RAB10: variants seen among roughly 807,000 people sequenced by gnomAD.
The protein encoded by RAB10 is RAB10, member RAS oncogene family.
A neutral mutation model predicts 25.7 loss-of-function variants in RAB10; 5 were observed. That is an observed-to-expected ratio of 0.19 (90% CI 0.10 to 0.41). The LOEUF (loss-of-function observed/expected upper bound fraction) is 0.41. RAB10 is among the 10% of genes least tolerant of loss of function. The probability of loss-of-function intolerance (pLI) is 1.00; values close to 1 mark genes in which losing one functional copy is unlikely to be tolerated. For synonymous variants in RAB10, 89 were observed against 86.4 expected (o/e 1.03, Z -0.16); for missense variants, 103 against 245.8 (o/e 0.42, Z 3.89).
At chr2:26,122,390 A>G (rs1667822594) in intron 3 of RAB10, among the ~76,000 whole-genome samples, 1 of 152,190 alleles carries the variant, frequency 6.6e-6, no homozygotes, top group Non-Finnish European at 1.5e-5. Context: ...GCACTTTGGG[A>G]GGCCAAGGCG....
intron 1 of RAB10, among the ~76,000 whole-genome samples, chr2:26,046,864 A>T (rs549648938): frequency 6.6e-6 from 1 of 152,348 alleles, no homozygotes; most frequent in South Asian, 2.1e-4. Context: ...TTTCTTTCGT[A>T]TAATTAGCAA....
At chr2:26,075,874 G>C (rs542161734) in intron 1 of RAB10, among the ~76,000 whole-genome samples, 1 of 152,018 alleles carries the variant, frequency 6.6e-6, no homozygotes, top group Admixed American at 6.6e-5. Flanking sequence ...CAAGCAGGGG[G>C]TTAGGAGATA....
chr2:26,129,268 C>CAAAAAAA (rs58007291), intron 5 of RAB10, among the ~76,000 whole-genome samples: 4 of 133,606 alleles, frequency 3.0e-5, no homozygotes, highest in African/African-American at 8.6e-5. Context: ...GACTCCATCT[C>CAAAAAAA]AAAAAAAAAA....
At chr2:26,113,608 C>T (rs1667624661) in intron 3 of RAB10, among the ~76,000 whole-genome samples, 1 of 151,810 alleles carries the variant, frequency 6.6e-6, no homozygotes, top group African/African-American at 2.4e-5. Context: ...TAGCAAAGAA[C>T]TTCCTTAATC....
intron 1 of RAB10, among the ~76,000 whole-genome samples, chr2:26,072,290 C>T (rs1666643498): frequency 6.6e-6 from 1 of 152,150 alleles, no homozygotes; most frequent in Non-Finnish European, 1.5e-5. Context: ...GTGGCACCCA[C>T]CTGTATTCTC....
At chr2:26,104,968 A>G (rs1029933023) in intron 2 of RAB10, among the ~76,000 whole-genome samples, 5 of 151,760 alleles carry the variant, frequency 3.3e-5, no homozygotes, top group African/African-American at 1.2e-4. Context: ...CAGTCTCCTG[A>G]CCTCGTGATC....
At chr2:26,089,355 G>A (rs1182268554) in intron 1 of RAB10, among the ~76,000 whole-genome samples, 2 of 151,578 alleles carry the variant, frequency 1.3e-5, no homozygotes, top group African/African-American at 4.8e-5. Flanking sequence ...CCCAGGAGGT[G>A]GAGGTTGGAG....
At chr2:26,101,923 C>G (rs915624807) in intron 2 of RAB10, 1 of 152,258 alleles carries the variant, frequency 6.6e-6, no homozygotes, top group African/African-American at 2.4e-5. Context: ...CCTTGATGGG[C>G]GGGGAGAATA....
At position 26,115,490 on chromosome 2, in the gene RAB10, C is replaced by T. The variant is rs558074270; in HGVS notation, c.327+5584C>T. On this transcript the variant is annotated intron_variant, in intron 3 of 5. Transcript: ENST00000264710. ...TATGAAAGAAGCCAGACATAAAAGG[C>T]CTTACATGATTCCCTTTAAATAAAA... 4.3e-4 allele frequency among the ~76,000 whole-genome samples: 65 copies of T among 152,212 alleles called. 2 individuals are homozygous for T. In the South Asian group the frequency reaches 0.013, roughly 30 times the overall value.
At position 26,041,238 on chromosome 2, in the gene RAB10, A is replaced by G. The variant is rs549216326; in HGVS notation, c.127+6503A>G. On this transcript the variant is annotated intron_variant, in intron 1 of 5. Coordinates refer to ENST00000264710, the MANE Select transcript of RAB10 (RefSeq NM_016131.5). ...TCATTATATGAAGTAGATTGGGATCAGACTTACCAATATTAGCTGTGGCCG... is the reference window on the plus strand; with the variant it reads ...TCATTATATGAAGTAGATTGGGATCGGACTTACCAATATTAGCTGTGGCCG... 4.3e-4 allele frequency among the ~76,000 whole-genome samples: 65 copies of G among 152,248 alleles called. 2 individuals carry two copies. The South Asian group carries it at 0.013, about 30-fold the overall frequency.
intron 1 of RAB10, among the ~76,000 whole-genome samples, chr2:26,038,166 G>A (rs148714305): frequency 4.0e-5 from 6 of 149,454 alleles, no homozygotes; most frequent in African/African-American, 7.4e-5. Flanking sequence ...GATTACAGGC[G>A]GAAGCCACCA....
chr2:26,103,213 C>G (rs569420827), intron 2 of RAB10, among the ~76,000 whole-genome samples: 58 of 152,240 alleles, frequency 3.8e-4, no homozygotes, highest in African/African-American at 1.4e-3. Context: ...AATGCCCAAC[C>G]TATAGTAGAC....
rs1665720924 is a variant in RAB10, at chr2:26,034,556, A to T, written c.-53A>T. On this transcript the variant is annotated 5_prime_UTR_variant, in exon 1 of 6. Coordinates refer to ENST00000264710, the MANE Select transcript of RAB10 (RefSeq NM_016131.5). ...CGAGTGAGGAGTTGGCCGTAGTGAGAGGGACCGATCCCTTGGGGCCGCCGG... is the reference window on the plus strand; with the variant it reads ...CGAGTGAGGAGTTGGCCGTAGTGAGTGGGACCGATCCCTTGGGGCCGCCGG... The T allele has an allele frequency of 6.2e-7, 1 of 1,610,382 alleles. No individual in the cohort carries two copies. Among genetic ancestry groups the T allele is most frequent in the African/African-American group, 1.3e-5 (1 of 74,934 alleles).
intron 2 of RAB10, among the ~76,000 whole-genome samples, chr2:26,107,245 CAAAA>C (rs57391958): frequency 3.0e-5 from 2 of 66,810 alleles, no homozygotes; most frequent in Non-Finnish European, 3.2e-5. Context: ...CACCCTGTTT[CAAAA>C]AAAAAAAAAA....
chr2:26,082,154 CAAAG>C (rs927133694), intron 1 of RAB10, among the ~76,000 whole-genome samples: 1 of 151,352 alleles, frequency 6.6e-6, no homozygotes, highest in South Asian at 2.1e-4. Context: ...AGAAGTGTAA[CAAAG>C]AAATTTTAAA....
chr2:26,039,096 T>G (rs1024733788), intron 1 of RAB10, among the ~76,000 whole-genome samples: 4 of 149,810 alleles, frequency 2.7e-5, no homozygotes, highest in South Asian at 4.3e-4. Flanking sequence ...CTTGGCTCAC[T>G]GCAACCTCCG....
chr2:26,048,419 T>C (rs1341092006), intron 1 of RAB10, among the ~76,000 whole-genome samples: 1 of 152,240 alleles, frequency 6.6e-6, no homozygotes, highest in Non-Finnish European at 1.5e-5. Context: ...GATAAGTGTG[T>C]AGTGATAATC....
At chr2:26,061,040 G>A (rs1666382757) in intron 1 of RAB10, among the ~76,000 whole-genome samples, 1 of 146,694 alleles carries the variant, frequency 6.8e-6, no homozygotes, top group East Asian at 2.0e-4. Context: ...TAAAAATATA[G>A]GTTGAAAGAG....
At chr2:26,048,589 A>G (rs1371018230) in intron 1 of RAB10, among the ~76,000 whole-genome samples, 1 of 152,186 alleles carries the variant, frequency 6.6e-6, no homozygotes, top group Non-Finnish European at 1.5e-5. Context: ...TTCTTTGTAC[A>G]TTTAAAATTC....
Sources: allele counts gnomAD v4.1 joint callset (sites outside exome capture counted in the v4.1 genomes callset), GRCh38; gene constraint gnomAD v4.1.1; transcripts MANE v1.5; gene names NCBI Gene and HGNC (gene_info 2026-07-23, HGNC 2026-07-21).